AIG1: variants seen among roughly 807,000 people sequenced by gnomAD.
AIG1 encodes the protein androgen-induced gene 1 protein.
Under a neutral mutation model 31.4 loss-of-function variants are expected in AIG1, and 23 were observed. The observed-to-expected ratio is 0.73, with a 90% CI of 0.53 to 1.04. AIG1 has a LOEUF of 1.04. Among genes scored for constraint, AIG1 ranks in the 50% least tolerant of loss-of-function variants. AIG1 has a pLI of 0.00. For synonymous variants in AIG1, 100 were observed against 110.5 expected, an observed-to-expected ratio of 0.90 and a Z score of 0.60; for missense variants, 274 against 295.0, an observed-to-expected ratio of 0.93 and a Z score of 0.52.
chr6:143,076,899 C>A (rs1364005263), intron 1 of AIG1, among the ~76,000 whole-genome samples: 2 of 152,102 alleles, frequency 1.3e-5, no homozygotes, highest in Non-Finnish European at 2.9e-5. Context: ...TCTTGATCTC[C>A]TGACCTCATG....
chr6:143,128,140 C>T (rs1336339721), intron 1 of AIG1, among the ~76,000 whole-genome samples: 1 of 151,974 alleles, frequency 6.6e-6, no homozygotes, highest in Non-Finnish European at 1.5e-5. Context: ...TAGTGCATTC[C>T]AGAGAAGAAA....
intron 3 of AIG1, among the ~76,000 whole-genome samples, chr6:143,205,769 A>G (rs1791061072): frequency 6.6e-6 from 1 of 152,188 alleles, no homozygotes; most frequent in South Asian, 2.1e-4. Context: ...CTATTACAAC[A>G]CTCTAGGGCA....
intron 3 of AIG1, among the ~76,000 whole-genome samples, chr6:143,198,141 C>G (rs1199500160): frequency 1.3e-5 from 2 of 152,184 alleles, no homozygotes; most frequent in Non-Finnish European, 2.9e-5. Flanking sequence ...CTTCTGTGTA[C>G]CAAGTACTAT....
intron 3 of AIG1, among the ~76,000 whole-genome samples, chr6:143,266,361 A>AT (rs202090331): frequency 0.062 from 9,398 of 150,546 alleles, 341 homozygotes; most frequent in South Asian, 0.14. Flanking sequence ...AAAAAAAAAA[A>AT]AAAAGAATAA....
intron 1 of AIG1, among the ~76,000 whole-genome samples, chr6:143,098,126 G>C (rs980733788): frequency 1.3e-5 from 2 of 152,016 alleles, no homozygotes; most frequent in African/African-American, 4.8e-5. Flanking sequence ...TATTTTTCTG[G>C]TTCTATTTTC....
At position 143,157,306 on chromosome 6, in the gene AIG1, T is replaced by C. The variant is rs138715408; in HGVS notation, c.298-7776T>C. On this transcript the variant is annotated intron_variant, in intron 2 of 5. Transcript: ENST00000357847. The stretch of plus-strand genomic sequence containing the variant: ...CTCTGGCTTAATTTCCTCCACCACA[T>C]TGTGTGGCCTCAGGCCTTGCCTTCC... 2.4e-3 allele frequency among the ~76,000 whole-genome samples: 359 copies of C among 152,284 alleles called. 1 individual carries two copies. The highest frequency in any genetic ancestry group is 8.3e-3 in the African/African-American group (345 of 41,558).
At chr6:143,155,060 T>C (rs1483439620) in intron 2 of AIG1, among the ~76,000 whole-genome samples, 1 of 151,250 alleles carries the variant, frequency 6.6e-6, no homozygotes, top group Non-Finnish European at 1.5e-5. Context: ...GGTTTCGCCA[T>C]GTTGGCCAAG....
rs983023246 is a variant in AIG1 at position 143,299,630 on chromosome 6, G to A, written c.515+15405G>A. 1.3e-5 allele frequency: 2 copies of A among 152,248 alleles called. No homozygotes were observed. The highest frequency in any genetic ancestry group is 4.8e-5 in the African/African-American group (2 of 41,472). 9.4% of individuals were successfully genotyped at this position (152,248 alleles called of 1,614,324 possible). A position where few individuals can be genotyped will look rare whatever the true frequency, so the allele number is the denominator to read the frequency against. On this transcript the variant is annotated intron_variant, in intron 4 of 5. Transcript: ENST00000357847. This position sits in a 1 kb window ranked among gnomAD's most constrained non-coding sequence, Gnocchi z 4.1. ...TAGCAGAGGGATTTCAAGCCACTGA[G>A]AGGGTCTGATTGAATTCGAAAACCA...
chr6:143,066,324 G>A (rs921373789), intron 1 of AIG1, among the ~76,000 whole-genome samples: 4 of 151,518 alleles, frequency 2.6e-5, no homozygotes, highest in South Asian at 4.2e-4. Context: ...TCACCCAGGC[G>A]AGTGCAGTGG....
At chr6:143,310,268 A>T (rs928860423) in intron 4 of AIG1, among the ~76,000 whole-genome samples, 1 of 151,898 alleles carries the variant, frequency 6.6e-6, no homozygotes. Context: ...TAACAGAGTT[A>T]AAAAAATAGA....
chr6:143,213,919 A>C (rs547972793), intron 3 of AIG1, among the ~76,000 whole-genome samples: 1 of 152,310 alleles, frequency 6.6e-6, no homozygotes, highest in African/African-American at 2.4e-5. Flanking sequence ...CTATTTTGAT[A>C]ATTCTTATGG....
At position 143,334,739 on chromosome 6, in the gene AIG1, A is replaced by G. The variant is rs1777343804; in HGVS notation, c.679+1294A>G. Among the ~76,000 whole-genome samples the G allele has an allele frequency of 6.6e-6, 1 of 152,224 alleles. No homozygotes were observed. Among genetic ancestry groups the G allele is most frequent in the Non-Finnish European group, 1.5e-5 (1 of 68,034 alleles). On this transcript the variant is annotated intron_variant, in intron 5 of 5. Transcript: ENST00000357847. This position sits in a 1 kb window ranked among gnomAD's most constrained non-coding sequence, Gnocchi z 5.1. ...AACCTTTCTCAGCTTCTTGGAAGAA[A>G]AACTGTATTTAAACTTAAACGAATG...
At chr6:143,237,765 G>A (rs1486230713) in intron 3 of AIG1, among the ~76,000 whole-genome samples, 1 of 152,122 alleles carries the variant, frequency 6.6e-6, no homozygotes, top group Non-Finnish European at 1.5e-5. Context: ...GCAGGAAAAA[G>A]AAATTATGAA....
intron 3 of AIG1, among the ~76,000 whole-genome samples, chr6:143,167,875 T>G (rs1787112880): frequency 6.6e-6 from 1 of 152,220 alleles, no homozygotes; most frequent in African/African-American, 2.4e-5. Context: ...TTTCCTCATG[T>G]TCCAATTGAT....
intron 1 of AIG1, among the ~76,000 whole-genome samples, chr6:143,127,695 G>GT (rs200758107): frequency 6.6e-4 from 98 of 147,682 alleles, no homozygotes; most frequent in African/African-American, 9.4e-4. Flanking sequence ...GACCTTTCTT[G>GT]TTTTTTTTTT....
chr6:143,128,470 T>C (rs1282497678), intron 1 of AIG1, among the ~76,000 whole-genome samples: 2 of 152,210 alleles, frequency 1.3e-5, no homozygotes, highest in African/African-American at 2.4e-5. Context: ...ATTTGACCAC[T>C]TCATTTCAGC....
intron 1 of AIG1, among the ~76,000 whole-genome samples, chr6:143,076,185 T>C (rs922912305): frequency 3.3e-5 from 5 of 152,218 alleles, no homozygotes; most frequent in African/African-American, 1.2e-4. Flanking sequence ...TAATTGTGGG[T>C]TTGTCTATTT....
rs1474675656 is a variant in AIG1 at position 143,331,350 on chromosome 6, TC to T, written c.516-1929del. Among the ~76,000 whole-genome samples the T allele has an allele frequency of 2.0e-5, 3 of 152,132 alleles. No homozygotes were observed. Among genetic ancestry groups the T allele is most frequent in the African/African-American group, 7.2e-5 (3 of 41,418 alleles). On this transcript the variant is annotated intron_variant, in intron 4 of 5. Coordinates refer to ENST00000357847, the MANE Select transcript of AIG1 (RefSeq NM_016108.4). The surrounding 1 kb of genome is among the most constrained non-coding windows in gnomAD (Gnocchi z 4.1). Reference sequence around the variant, plus strand: ...AACTCTGTTCCCGTTAAACAATAACTCCCTATTCTCCACTCCCCCGAGTCCC... The same window carrying T: ...AACTCTGTTCCCGTTAAACAATAACTCCTATTCTCCACTCCCCCGAGTCCC...
rs1797266756 is a variant in AIG1, at chr6:143,280,452, C to T, written c.400-3658C>T. Reference sequence around the variant, plus strand: ...TTCATTGCAGCACCACTCACAATAGCGAAAACATGGAATCAACCTAAATGC... The same window carrying T: ...TTCATTGCAGCACCACTCACAATAGTGAAAACATGGAATCAACCTAAATGC... On this transcript the variant is annotated intron_variant, in intron 3 of 5. Coordinates refer to ENST00000357847, the MANE Select transcript of AIG1 (RefSeq NM_016108.4). This position sits in a 1 kb window ranked among gnomAD's most constrained non-coding sequence, Gnocchi z 4.1. 6.6e-6 allele frequency among the ~76,000 whole-genome samples: 1 copy of T among 152,080 alleles called. No individual in the cohort carries two copies. The highest frequency in any genetic ancestry group is 1.5e-5 in the Non-Finnish European group (1 of 68,032).
Sources: gnomAD v4.1 joint callset for allele counts (sites outside exome capture counted in the v4.1 genomes callset) on GRCh38, gnomAD v4.1.1 for gene constraint, Gnocchi (gnomAD v3.1) non-coding constraint, MANE v1.5 for transcripts, NCBI Gene and HGNC (gene_info 2026-07-23, HGNC 2026-07-21) for gene names.